The following MYO1H variants were observed in gnomAD, a reference collection of about 807,000 sequenced individuals.
MYO1H encodes the protein unconventional myosin-Ih.
A neutral mutation model predicts 149.3 loss-of-function variants in MYO1H; 118 were observed. The observed-to-expected ratio is 0.79, with a 90% confidence interval of 0.68 to 0.92. The LOEUF is 0.92. Among genes scored for constraint, MYO1H ranks in the 40% least tolerant of loss-of-function variants. The pLI is 0.00. For synonymous variants in MYO1H, 447 were observed against 465.2 expected, an observed-to-expected ratio of 0.96 and a Z score of 0.50; for missense variants, 1,212 against 1,280.7, an observed-to-expected ratio of 0.95 and a Z score of 0.82.
intron 13 of MYO1H, 141 bp from the exon 14 acceptor site, chr12:109,411,753 C>G (rs1052894481): frequency 1.8e-6 from 1 of 569,880 alleles, no homozygotes; most frequent in African/African-American, 2.0e-5. Flanking sequence ...AGCCCTTCTT[C>G]CCCCCAGAAT....
the MYO1H span, among the ~76,000 whole-genome samples, chr12:109,341,672 G>A: frequency 6.6e-6 from 1 of 152,168 alleles, no homozygotes; most frequent in African/African-American, 2.4e-5. Flanking sequence ...TCTGTGATGG[G>A]TTAGGGGTGC....
chr12:109,365,921 G>A (rs1363494387), intron 1 of MYO1H, among the ~76,000 whole-genome samples: 2 of 152,136 alleles, frequency 1.3e-5, no homozygotes, highest in Non-Finnish European at 2.9e-5. Context: ...CCGATGCTCC[G>A]CCTCCTGTTA....
chr12:109,388,550 A>G (rs1360466182), intron 1 of MYO1H, 133 bp from the exon 2 acceptor site: 1 of 754,236 alleles, frequency 1.3e-6, no homozygotes, highest in Non-Finnish European at 2.0e-6. Flanking sequence ...TGTAAACTCT[A>G]AGTGAAGACG....
In MYO1H at chr12:109,406,647, C is replaced by G. The variant is rs1480221266; in HGVS notation, c.964-142C>G. 14 of 712,470 alleles carry G rather than the reference C, an allele frequency of 2.0e-5. 1 individual carries two copies. Among genetic ancestry groups the G allele is most frequent in the Non-Finnish European group, 2.1e-5 (9 of 427,716 alleles). 44.1% of individuals were successfully genotyped at this position (712,470 alleles called of 1,614,324 possible). On this transcript the variant is annotated intron_variant, in intron 8 of 31. Transcript: ENST00000310903. Reference sequence around the variant, plus strand: ...CCTGGATGACAGAGTGAGACCTTGTCTGAAAAAAAGTTACAATGAGCTATG... The same window carrying G: ...CCTGGATGACAGAGTGAGACCTTGTGTGAAAAAAAGTTACAATGAGCTATG...
rs531392366 is a variant in MYO1H at position 109,422,268 on chromosome 12, T to C, written c.1644+1241T>C. Among the ~76,000 whole-genome samples, 9 of 152,260 alleles carry C rather than the reference T, an allele frequency of 5.9e-5. No individual in the cohort carries two copies. In the South Asian group the frequency reaches 1.0e-3, roughly 18 times the overall value. On this transcript the variant is annotated intron_variant, in intron 16 of 31. Coordinates refer to ENST00000310903, the Ensembl canonical transcript of MYO1H. The stretch of plus-strand genomic sequence containing the variant: ...CAGGTGAACAGTCACCTCAGGAGTG[T>C]TTTTTCTGCCTTCCCAAACTTTCTC...
chr12:109,415,124 G>A (rs968330696), intron 14 of MYO1H, among the ~76,000 whole-genome samples: 3 of 152,098 alleles, frequency 2.0e-5, no homozygotes, highest in Non-Finnish European at 1.5e-5. Context: ...GATTGAAGAC[G>A]TCTCTCTCTC....
At chr12:109,434,535 G>A (rs757451398) in intron 20 of MYO1H, among the ~76,000 whole-genome samples, 9 of 152,152 alleles carry the variant, frequency 5.9e-5, no homozygotes, top group Non-Finnish European at 1.2e-4. Context: ...CATATTCTTT[G>A]TCGTCACTCT....
intron 1 of MYO1H, among the ~76,000 whole-genome samples, 178 bp from the exon 2 acceptor site, chr12:109,388,505 T>A (rs1224132841): frequency 6.6e-6 from 1 of 152,190 alleles, no homozygotes; most frequent in Non-Finnish European, 1.5e-5. Flanking sequence ...CTATTCCTAT[T>A]TTTTATGATT....
intron 27 of MYO1H, among the ~76,000 whole-genome samples, chr12:109,443,180 G>GTGTA (rs1555255622): frequency 0.023 from 2,696 of 117,480 alleles, 203 homozygotes; most frequent in Admixed American, 0.035. Context: ...ACGTATGTGT[G>GTGTA]TATATGTGTA....
At chr12:109,341,072 C>T in the MYO1H span, among the ~76,000 whole-genome samples, 2 of 151,700 alleles carry the variant, frequency 1.3e-5, no homozygotes, top group African/African-American at 4.9e-5. Context: ...CCTGTAATCC[C>T]AGCTACTCAG....
rs114398340 is a variant in MYO1H, at chr12:109,426,532, T to A, written c.1831+481T>A. 9.8e-3 allele frequency among the ~76,000 whole-genome samples: 1,494 copies of A among 151,938 alleles called. 35 individuals carry two copies. The highest frequency in any genetic ancestry group is 0.034 in the African/African-American group (1,427 of 41,448). On this transcript the variant is annotated intron_variant, in intron 18 of 31. Transcript: ENST00000310903. ...CAGAGTGAGACCCTATCTCAAAAAA[T>A]AATAATAATAGAAGGTAAATGAATG...
chr12:109,377,800 C>G (rs1394295890), intron 1 of MYO1H, among the ~76,000 whole-genome samples: 1 of 152,082 alleles, frequency 6.6e-6, no homozygotes, highest in African/African-American at 2.4e-5. Context: ...AACCAATAAG[C>G]TTTGTATAAA....
At chr12:109,348,081 C>T in intron 1 of MYO1H, 109 bp downstream of exon 1, 1 of 398,846 alleles carries the variant, frequency 2.5e-6, no homozygotes. Flanking sequence ...GGAGAGAGAA[C>T]TGGGCGTGTG....
intron 3 of MYO1H, among the ~76,000 whole-genome samples, chr12:109,394,407 C>T (rs180883237): frequency 1.2e-3 from 184 of 152,252 alleles, no homozygotes; most frequent in Non-Finnish European, 2.1e-3. Context: ...AAAATATAAC[C>T]ACCTTGATAT....
chr12:109,331,575 G>A, the MYO1H span, among the ~76,000 whole-genome samples: 1 of 152,206 alleles, frequency 6.6e-6, no homozygotes, highest in Non-Finnish European at 1.5e-5. Context: ...TGTAAGAAAA[G>A]AAGACCACCC....
Position 109,421,146 on chromosome 12 carries a change from C to A in MYO1H, c.1644+119C>A. Reference sequence around the variant, plus strand: ...TTTTTCCATGCATCGTATTAGAACTCCAGCATGTCATGGCCAGAACAGACA... The same window carrying A: ...TTTTTCCATGCATCGTATTAGAACTACAGCATGTCATGGCCAGAACAGACA... On this transcript the variant is annotated intron_variant, in intron 16 of 31. Transcript: ENST00000310903. 6.2e-6 allele frequency: 4 copies of A among 643,766 alleles called. No individual in the cohort carries two copies. The South Asian group carries it at 7.7e-5, about 12-fold the overall frequency. The allele number at this position is 643,766 out of a possible 1,614,324, so 39.9% of individuals were successfully genotyped here. A position where few individuals can be genotyped will look rare whatever the true frequency, so the allele number is the denominator to read the frequency against.
At chr12:109,378,480 C>T (rs558302846) in intron 1 of MYO1H, among the ~76,000 whole-genome samples, 5 of 149,852 alleles carry the variant, frequency 3.3e-5, no homozygotes, top group East Asian at 1.9e-4. Flanking sequence ...ACCACCATAC[C>T]CAGCCAATTT....
At chr12:109,361,193 C>A (rs888222727) in intron 1 of MYO1H, among the ~76,000 whole-genome samples, 3 of 152,084 alleles carry the variant, frequency 2.0e-5, no homozygotes, top group Admixed American at 6.6e-5. Flanking sequence ...TAGGACATAA[C>A]CCACACACTG....
In MYO1H at chr12:109,353,393, CAAA is replaced by C. The variant is rs55927192; in HGVS notation, c.12+5445_12+5447del. Among the ~76,000 whole-genome samples, 11 of 79,284 alleles carry C rather than the reference CAAA, an allele frequency of 1.4e-4. No individual in the cohort carries two copies. In the South Asian group the frequency reaches 1.9e-3, roughly 14 times the overall value. 52.0% of individuals were successfully genotyped at this position (79,284 alleles called of 152,430 possible). ...TGGGTGACAGAGCGAGACTCCGTCT[CAAA>C]AAAAAAAAAAAAAAAAAAAAAAATT... On this transcript the variant is annotated intron_variant, in intron 1 of 31. Transcript: ENST00000310903.
Sources: allele counts gnomAD v4.1 joint callset (sites outside exome capture counted in the v4.1 genomes callset), GRCh38; gene constraint gnomAD v4.1.1; transcripts MANE v1.5; gene names NCBI Gene and HGNC (gene_info 2026-07-23, HGNC 2026-07-21).